The following SERGEF variants were observed in gnomAD, a reference collection of about 807,000 sequenced individuals.
SERGEF encodes the protein secretion-regulating guanine nucleotide exchange factor.
Under a neutral mutation model 50.0 loss-of-function variants are expected in SERGEF, and 51 were observed. The ratio of observed to expected loss-of-function variants is 1.02; its 90% confidence interval spans 0.81 to 1.29. The LOEUF (loss-of-function observed/expected upper bound fraction) is 1.29, where lower values mean the gene tolerates loss of function less well. Ranked by LOEUF, SERGEF falls within the 50% of genes most tolerant of loss-of-function variation. SERGEF has a pLI of 0.00. For synonymous variants in SERGEF, 205 were observed against 212.4 expected (o/e 0.97, Z 0.30); for missense variants, 521 against 557.0 (o/e 0.94, Z 0.65).
chr11:17,895,415 C>T (rs1390347077), intron 9 of SERGEF, among the ~76,000 whole-genome samples: 1 of 152,126 alleles, frequency 6.6e-6, no homozygotes, highest in Non-Finnish European at 1.5e-5. Context: ...CCACGTAACC[C>T]AGCCTGACAG....
chr11:17,989,639 A>T (rs1234992667), intron 7 of SERGEF, among the ~76,000 whole-genome samples: 1 of 152,248 alleles, frequency 6.6e-6, no homozygotes, highest in Non-Finnish European at 1.5e-5. Flanking sequence ...ATGGCTTGTC[A>T]ATTTGTGACT....
chr11:18,012,462 G>A, intron 1 of SERGEF: 1 of 1,066,276 alleles, frequency 9.4e-7, no homozygotes, highest in Non-Finnish European at 1.1e-6. Flanking sequence ...AAATAGGCAG[G>A]GTCTGTGCCT....
intron 8 of SERGEF, among the ~76,000 whole-genome samples, chr11:17,974,777 TTGTTTTCACCA>T (rs1410359797): frequency 4.6e-5 from 7 of 152,226 alleles, no homozygotes; most frequent in African/African-American, 1.7e-4. Flanking sequence ...CAATTTACTA[TTGTTTTCACCA>T]AAATGGCAAA....
At chr11:17,968,082 T>TA (rs1191081377) in intron 8 of SERGEF, among the ~76,000 whole-genome samples, 1 of 152,224 alleles carries the variant, frequency 6.6e-6, no homozygotes, top group Non-Finnish European at 1.5e-5. Context: ...CTGCATATCT[T>TA]AGTTTGCCCA....
chr11:17,981,625 G>A (rs749626691), intron 8 of SERGEF, among the ~76,000 whole-genome samples: 2 of 152,182 alleles, frequency 1.3e-5, no homozygotes, highest in Admixed American at 6.5e-5. Context: ...AAGGTGGTCC[G>A]TGAGAGTTAT....
intron 5 of SERGEF, among the ~76,000 whole-genome samples, chr11:17,997,910 T>C (rs868117029): frequency 1.3e-5 from 2 of 152,244 alleles, no homozygotes; most frequent in Middle Eastern, 6.8e-3. Context: ...TTAATGGGTA[T>C]AGAGTTTCAA....
At chr11:17,791,726 T>C (rs1433697866) in intron 10 of SERGEF, among the ~76,000 whole-genome samples, 1 of 152,250 alleles carries the variant, frequency 6.6e-6, no homozygotes, top group African/African-American at 2.4e-5. Context: ...ATCTCAGTTC[T>C]CTCATCTGTT....
intron 9 of SERGEF, among the ~76,000 whole-genome samples, chr11:17,950,877 T>C (rs1260509701): frequency 6.6e-6 from 1 of 152,124 alleles, no homozygotes; most frequent in Non-Finnish European, 1.5e-5. Context: ...CCTGGGGCGG[T>C]TGTACCTCTG....
chr11:17,960,880 G>A (rs192606572), intron 8 of SERGEF, among the ~76,000 whole-genome samples: 32 of 152,320 alleles, frequency 2.1e-4, no homozygotes, highest in Admixed American at 1.8e-3. Flanking sequence ...GGGGTACCTC[G>A]TATATTATGA....
intron 9 of SERGEF, among the ~76,000 whole-genome samples, chr11:17,907,006 A>G (rs972151599): frequency 1.3e-5 from 2 of 152,074 alleles, no homozygotes; most frequent in Non-Finnish European, 2.9e-5. Context: ...GCACTAGGCT[A>G]TAAGTCTGCA....
intron 9 of SERGEF, among the ~76,000 whole-genome samples, chr11:17,956,289 A>G (rs890605422): frequency 6.6e-6 from 1 of 152,226 alleles, no homozygotes; most frequent in Admixed American, 6.5e-5. Flanking sequence ...CACCCAGGAA[A>G]GGGCACATAG....
chr11:17,995,679 AAGTT>A lies in SERGEF; in HGVS notation c.622+113_622+116del, dbSNP rs547643472. On this transcript the variant is annotated intron_variant, in intron 6 of 10. Coordinates refer to ENST00000265965, the MANE Select transcript of SERGEF (RefSeq NM_012139.4). ...AGACTAACAGACCAACTAATAGAGA[AAGTT>A]AGAGAGACCAAGAAATAGCAAAATC... 1.1e-4 allele frequency: 77 copies of A among 710,344 alleles called. No individual in the cohort carries two copies. In the East Asian group the frequency reaches 1.9e-3, roughly 18 times the overall value. The allele number at this position is 710,344 out of a possible 1,614,324, so 44.0% of individuals were successfully genotyped here.
chr11:17,801,655 T>C (rs1849671804), intron 10 of SERGEF, among the ~76,000 whole-genome samples: 1 of 152,120 alleles, frequency 6.6e-6, no homozygotes, highest in Non-Finnish European at 1.5e-5. Flanking sequence ...GTTTTGGACA[T>C]TTTAAGATGT....
chr11:17,862,069 C>T (rs1313894021), intron 10 of SERGEF, among the ~76,000 whole-genome samples: 3 of 152,164 alleles, frequency 2.0e-5, no homozygotes, highest in Non-Finnish European at 4.4e-5. Context: ...ACGATCTGAA[C>T]GTAGCCATCA....
chr11:17,817,697 C>T (rs1166121545), intron 10 of SERGEF, among the ~76,000 whole-genome samples: 1 of 152,192 alleles, frequency 6.6e-6, no homozygotes, highest in Non-Finnish European at 1.5e-5. Flanking sequence ...ATCATTTAAT[C>T]CAAATAACAA....
intron 10 of SERGEF, among the ~76,000 whole-genome samples, chr11:17,812,557 C>A (rs1221967622): frequency 2.0e-5 from 3 of 152,064 alleles, no homozygotes; most frequent in Non-Finnish European, 2.9e-5. Context: ...GGCACAGGGG[C>A]CAAGCAGGAA....
chr11:17,942,413 C>T (rs1444452883), intron 9 of SERGEF, among the ~76,000 whole-genome samples: 3 of 151,798 alleles, frequency 2.0e-5, no homozygotes, highest in Non-Finnish European at 4.4e-5. Context: ...AAAAATTTTC[C>T]AATTCTTTGA....
intron 10 of SERGEF, among the ~76,000 whole-genome samples, chr11:17,808,134 G>T (rs1849795901): frequency 6.6e-6 from 1 of 152,104 alleles, no homozygotes; most frequent in Admixed American, 6.5e-5. Flanking sequence ...CACTACCAAG[G>T]GCCTGAACTT....
chr11:17,923,268 G>T (rs1248499095), intron 9 of SERGEF, among the ~76,000 whole-genome samples: 1 of 152,232 alleles, frequency 6.6e-6, no homozygotes, highest in Non-Finnish European at 1.5e-5. Flanking sequence ...GAGAGCAGGG[G>T]CCATACCTCA....
Sources: gnomAD v4.1 joint callset for allele counts (sites outside exome capture counted in the v4.1 genomes callset) on GRCh38, gnomAD v4.1.1 for gene constraint, MANE v1.5 for transcripts, NCBI Gene and HGNC (gene_info 2026-07-23, HGNC 2026-07-21) for gene names.